Variants in SUCO observed in about 807,000 individuals in gnomAD.
The protein encoded by SUCO is SUN domain containing ossification factor.
Under a neutral mutation model 148.1 loss-of-function variants are expected in SUCO, and 57 were observed. The ratio of observed to expected loss-of-function variants is 0.38; its 90% CI spans 0.31 to 0.48. The LOEUF (loss-of-function observed/expected upper bound fraction) is 0.48, where lower values mean the gene tolerates loss of function less well. SUCO is among the 20% of genes least tolerant of loss of function. The probability of loss-of-function intolerance (pLI) is 0.96; values close to 1 mark genes in which losing one functional copy is unlikely to be tolerated. For synonymous variants in SUCO, 470 were observed against 502.7 expected, an observed-to-expected ratio of 0.93 and a Z score of 0.87; for missense variants, 1,331 against 1,468.2, an observed-to-expected ratio of 0.91 and a Z score of 1.53.
chr1:172,572,301 A>G (rs1044415527), intron 9 of SUCO, among the ~76,000 whole-genome samples: 185 of 151,866 alleles, frequency 1.2e-3, no homozygotes, highest in African/African-American at 3.5e-3. Context: ...GATGGTTGCC[A>G]TGTCTGTGTG....
intron 6 of SUCO, among the ~76,000 whole-genome samples, chr1:172,566,602 A>G (rs892711843): frequency 6.6e-6 from 1 of 152,208 alleles, no homozygotes; most frequent in African/African-American, 2.4e-5. Context: ...GAACAGGGCT[A>G]CCCCACAGGC....
intron 6 of SUCO, among the ~76,000 whole-genome samples, chr1:172,564,392 G>T (rs961394753): frequency 6.6e-6 from 1 of 152,228 alleles, no homozygotes; most frequent in Admixed American, 6.5e-5. Context: ...AACCACAGGG[G>T]TGGAGCTGCC....
intron 1 of SUCO, among the ~76,000 whole-genome samples, chr1:172,550,128 T>C (rs1400570030): frequency 6.6e-6 from 1 of 151,922 alleles, no homozygotes; most frequent in Non-Finnish European, 1.5e-5. Flanking sequence ...TATCTCAGTA[T>C]CATATTGCTG....
intron 1 of SUCO, among the ~76,000 whole-genome samples, chr1:172,548,158 C>A (rs1653002746): frequency 6.6e-6 from 1 of 151,828 alleles, no homozygotes; most frequent in Admixed American, 6.6e-5. Flanking sequence ...TTTTTCCATT[C>A]CTTATGCCAG....
chr1:172,574,977 A>G (rs537367605), intron 10 of SUCO: 3 of 802,224 alleles, frequency 3.7e-6, no homozygotes, highest in African/African-American at 1.9e-5. Context: ...AGTAAAGTGT[A>G]TTTTTTTAAC....
In SUCO at chr1:172,533,343, G is replaced by A; in HGVS notation, c.-93G>A. ...CCTTAGGACTATCGGTCACATTCTCGCGCTCCTGCTCCGGCTCCTCCATCT... is the reference window on the plus strand; with the variant it reads ...CCTTAGGACTATCGGTCACATTCTCACGCTCCTGCTCCGGCTCCTCCATCT... On this transcript the variant is annotated 5_prime_UTR_variant, in exon 1 of 24. Coordinates refer to ENST00000263688, the MANE Select transcript of SUCO (RefSeq NM_014283.5). 6.4e-7 allele frequency: 1 copy of A among 1,551,564 alleles called. No homozygotes were observed. The highest frequency in any genetic ancestry group is 8.7e-7 in the Non-Finnish European group (1 of 1,146,962).
intron 1 of SUCO, among the ~76,000 whole-genome samples, chr1:172,550,548 C>T (rs752430021): frequency 5.3e-5 from 8 of 151,912 alleles, no homozygotes; most frequent in Non-Finnish European, 8.8e-5. Flanking sequence ...CAGATACACT[C>T]ATTGTTTGGA....
intron 3 of SUCO, 90 bp downstream of exon 3, chr1:172,553,460 T>A: frequency 1.1e-6 from 1 of 909,514 alleles, no homozygotes. Flanking sequence ...TGTGTGTGTA[T>A]TGTTAGTTTT....
At chr1:172,608,128 A>C in intron 22 of SUCO, 1 of 973,366 alleles carries the variant, frequency 1.0e-6, no homozygotes, top group South Asian at 4.8e-5. Context: ...TAATAAATCT[A>C]ATTTACTCAC....
intron 9 of SUCO, among the ~76,000 whole-genome samples, chr1:172,571,507 T>C (rs575223452): frequency 1.3e-5 from 2 of 151,338 alleles, no homozygotes; most frequent in East Asian, 4.0e-4. Context: ...GGAGAGTCTC[T>C]GCCTGGCCGC....
intron 19 of SUCO, among the ~76,000 whole-genome samples, chr1:172,592,857 T>A (rs1214834484): frequency 6.6e-6 from 1 of 152,196 alleles, no homozygotes; most frequent in Non-Finnish European, 1.5e-5. Context: ...AATCTATAAA[T>A]TATCTTGGGC....
chr1:172,609,191 C>T (rs1437124893), intron 23 of SUCO: 3 of 924,282 alleles, frequency 3.2e-6, no homozygotes, highest in Non-Finnish European at 3.9e-6. Context: ...TAATCCTCAC[C>T]ACAACCTGAA....
intron 1 of SUCO, 81 bp downstream of exon 1, chr1:172,533,578 T>A: frequency 1.4e-6 from 2 of 1,434,906 alleles, no homozygotes; most frequent in South Asian, 3.0e-5. Flanking sequence ...CCCTGGTCAT[T>A]TTGGCTTTTA....
chr1:172,555,329 T>C, intron 3 of SUCO: 1 of 962,618 alleles, frequency 1.0e-6, no homozygotes. Flanking sequence ...CTGATAGAGG[T>C]TTTCAAATAT....
intron 19 of SUCO, among the ~76,000 whole-genome samples, chr1:172,597,094 G>C (rs10912009): frequency 6.6e-6 from 1 of 152,100 alleles, no homozygotes. Context: ...AGCCATGCAC[G>C]GGATATAATC....
At chr1:172,545,952 G>T (rs945596249) in intron 1 of SUCO, among the ~76,000 whole-genome samples, 5 of 151,282 alleles carry the variant, frequency 3.3e-5, no homozygotes, top group Admixed American at 6.6e-5. Flanking sequence ...TTTCTTTCCT[G>T]GCAGGGTCTT....
chr1:172,601,942 T>G, intron 20 of SUCO, 122 bp from the exon 21 acceptor site: 1 of 967,190 alleles, frequency 1.0e-6, no homozygotes, highest in South Asian at 2.4e-5. Flanking sequence ...GCCCTGCATT[T>G]CTGGTCTTTG....
At chr1:172,555,504 TC>T (rs1653673399) in intron 3 of SUCO, among the ~76,000 whole-genome samples, 1 of 152,208 alleles carries the variant, frequency 6.6e-6, no homozygotes, top group Non-Finnish European at 1.5e-5. Context: ...CTGCTCAGGG[TC>T]AAGAACTATG....
chr1:172,540,689 C>T (rs1024675173), intron 1 of SUCO, among the ~76,000 whole-genome samples: 1 of 152,136 alleles, frequency 6.6e-6, no homozygotes, highest in African/African-American at 2.4e-5. Context: ...ACAGGAGCTT[C>T]ATGAGCTGAA....
Sources: gnomAD v4.1 joint callset for allele counts (sites outside exome capture counted in the v4.1 genomes callset) on GRCh38, gnomAD v4.1.1 for gene constraint, MANE v1.5 for transcripts, NCBI Gene and HGNC (gene_info 2026-07-23, HGNC 2026-07-21) for gene names.